Variants in DDX10 observed in about 807,000 individuals in gnomAD.
DDX10 encodes DEAD-box helicase 10, also known as probable ATP-dependent RNA helicase DDX10.
DDX10 carries 74 observed loss-of-function variants against 104.3 expected under a neutral mutation model. The ratio of observed to expected loss-of-function variants is 0.71; its 90% confidence interval spans 0.59 to 0.86. DDX10 has a LOEUF of 0.86. Ranked by LOEUF, DDX10 falls within the 40% of genes least tolerant of loss-of-function variation. The probability of loss-of-function intolerance (pLI) is 0.00; values close to 1 mark genes in which losing one functional copy is unlikely to be tolerated. For synonymous variants in DDX10, 351 were observed against 353.4 expected (o/e 0.99, Z 0.08); for missense variants, 952 against 1,040.0 (o/e 0.92, Z 1.16).
At position 108,779,599 on chromosome 11, in the gene DDX10, C is replaced by T. The variant is rs543427624; in HGVS notation, c.1965+56137C>T. ...ACCTAATGTAAATGCAGCACACCAA[C>T]GTGGCACATGTATACATATGTAACA... On this transcript the variant is annotated intron_variant, in intron 13 of 17. Transcript: ENST00000322536. Among the ~76,000 whole-genome samples, 24 of 152,018 alleles carry T rather than the reference C, an allele frequency of 1.6e-4. 1 individual carries two copies. In the South Asian group the frequency reaches 3.1e-3, roughly 20 times the overall value.
At chr11:108,698,784 G>T (rs2094263388) in intron 9 of DDX10, among the ~76,000 whole-genome samples, 1 of 152,106 alleles carries the variant, frequency 6.6e-6, no homozygotes, top group Non-Finnish European at 1.5e-5. Context: ...TGACCCCCTG[G>T]GCCTAAACTA....
intron 16 of DDX10, among the ~76,000 whole-genome samples, chr11:108,892,211 G>C (rs1429012307): frequency 1.3e-5 from 2 of 152,092 alleles, no homozygotes; most frequent in African/African-American, 4.8e-5. Context: ...TGGTGGTAAC[G>C]AGTGAATTCT....
chr11:108,798,299 CAT>C (rs1265793013), intron 13 of DDX10, among the ~76,000 whole-genome samples: 1 of 152,158 alleles, frequency 6.6e-6, no homozygotes, highest in Admixed American at 6.5e-5. Context: ...TTGTAAAACA[CAT>C]GTAATATAAA....
intron 16 of DDX10, among the ~76,000 whole-genome samples, chr11:108,905,070 C>T (rs1863572147): frequency 6.6e-6 from 1 of 152,086 alleles, no homozygotes; most frequent in South Asian, 2.1e-4. Context: ...TGCCCGTGGA[C>T]TCTTTGAAAG....
At chr11:108,777,491 T>A (rs1435999728) in intron 13 of DDX10, among the ~76,000 whole-genome samples, 1 of 151,816 alleles carries the variant, frequency 6.6e-6, no homozygotes, top group Non-Finnish European at 1.5e-5. Flanking sequence ...TCTGGATAAG[T>A]TTTGTGTTTT....
intron 1 of DDX10, among the ~76,000 whole-genome samples, chr11:108,669,979 A>G (rs544449053): frequency 1.3e-5 from 2 of 152,330 alleles, no homozygotes; most frequent in South Asian, 2.1e-4. Context: ...AGCGAAACCT[A>G]TTGTGGACTT....
At chr11:108,859,327 T>C (rs1201564228) in intron 16 of DDX10, among the ~76,000 whole-genome samples, 1 of 152,242 alleles carries the variant, frequency 6.6e-6, no homozygotes, top group African/African-American at 2.4e-5. Flanking sequence ...ATTCTAATAC[T>C]TCTTAGAGAA....
At chr11:108,856,879 T>C (rs966865417) in intron 16 of DDX10, among the ~76,000 whole-genome samples, 1 of 128,898 alleles carries the variant, frequency 7.8e-6, no homozygotes, top group Non-Finnish European at 1.6e-5. Flanking sequence ...CGTGAGAATA[T>C]TATTTGGGCA....
At chr11:108,875,026 G>C (rs977905989) in intron 16 of DDX10, among the ~76,000 whole-genome samples, 1 of 152,048 alleles carries the variant, frequency 6.6e-6, no homozygotes, top group African/African-American at 2.4e-5. Flanking sequence ...ATGAAGTAAC[G>C]CATGTAAAGG....
intron 16 of DDX10, among the ~76,000 whole-genome samples, chr11:108,905,725 A>G (rs1863587540): frequency 6.6e-6 from 1 of 152,126 alleles, no homozygotes; most frequent in Non-Finnish European, 1.5e-5. Flanking sequence ...CATCCACTGT[A>G]TTAGGCTGTT....
chr11:108,745,015 C>G (rs887536182), intron 13 of DDX10, among the ~76,000 whole-genome samples: 2 of 148,866 alleles, frequency 1.3e-5, no homozygotes, highest in African/African-American at 5.0e-5. Context: ...GCTAATGAAA[C>G]AAGTGAAGGA....
intron 17 of DDX10, among the ~76,000 whole-genome samples, chr11:108,932,863 A>G (rs746201085): frequency 6.6e-6 from 1 of 151,924 alleles, no homozygotes; most frequent in Non-Finnish European, 1.5e-5. Flanking sequence ...CTCTTTGTTG[A>G]AATATTGTAT....
chr11:108,841,369 G>T lies in DDX10; in HGVS notation c.2140G>T (p.Asp714Tyr). 6.2e-7 allele frequency: 1 copy of T among 1,613,750 alleles called. No homozygotes were observed. The highest frequency in any genetic ancestry group is 8.5e-7 in the Non-Finnish European group (1 of 1,179,868). The stretch of plus-strand genomic sequence containing the variant: ...ATCTGCCATCAAGGATGCTGAGGAA[G>T]ATGATGACACAGGTGGTATCAACTT... ...QKSAIKDAEEDDDTGGINLHK... is the reference protein window; with the variant it reads ...QKSAIKDAEEYDDTGGINLHK... Residue 714 changes from aspartate to tyrosine, a missense_variant, in exon 15 of 18, where the codon GAT (aspartate) becomes TAT (tyrosine). Transcript: ENST00000322536.
At chr11:108,849,019 A>G (rs1862757259) in intron 15 of DDX10, among the ~76,000 whole-genome samples, 1 of 152,074 alleles carries the variant, frequency 6.6e-6, no homozygotes, top group Non-Finnish European at 1.5e-5. Context: ...TATCCTTGTT[A>G]TAGTTGTTAC....
intron 13 of DDX10, among the ~76,000 whole-genome samples, chr11:108,789,282 T>A (rs1342234023): frequency 6.6e-6 from 1 of 152,218 alleles, no homozygotes; most frequent in Non-Finnish European, 1.5e-5. Flanking sequence ...AAGTATAGAA[T>A]TGATGAGCGG....
rs547140234 is a variant in DDX10, at chr11:108,704,554, T to C, written c.1224-2185T>C. On this transcript the variant is annotated intron_variant, in intron 9 of 17. Coordinates refer to ENST00000322536, the MANE Select transcript of DDX10 (RefSeq NM_004398.4). The stretch of plus-strand genomic sequence containing the variant: ...AGAGCTTCAGAAGTTACGACATCTC[T>C]CCATTATCTTGTCTGCTCAGTGTGT... Among the ~76,000 whole-genome samples the C allele has an allele frequency of 2.6e-5, 4 of 152,286 alleles. No homozygotes were observed. The East Asian group carries it at 5.8e-4, about 22-fold the overall frequency.
chr11:108,676,587 C>T (rs1165644374), intron 3 of DDX10, among the ~76,000 whole-genome samples: 1 of 152,114 alleles, frequency 6.6e-6, no homozygotes, highest in Non-Finnish European at 1.5e-5. Context: ...GCTGAGATTA[C>T]AGATGTGGGC....
intron 1 of DDX10, among the ~76,000 whole-genome samples, chr11:108,671,712 C>T (rs779573902): frequency 1.4e-4 from 21 of 152,096 alleles, no homozygotes; most frequent in African/African-American, 3.9e-4. Context: ...GGATTTGGCC[C>T]GTAGGCTGTA....
chr11:108,852,034 T>C (rs561940887), intron 15 of DDX10, 119 bp from the exon 16 acceptor site: 18 of 752,792 alleles, frequency 2.4e-5, no homozygotes, highest in African/African-American at 3.6e-5. Context: ...CAGTAAATAT[T>C]TGTTGAAAAA....
Sources: gnomAD v4.1 joint callset for allele counts (sites outside exome capture counted in the v4.1 genomes callset) on GRCh38, gnomAD v4.1.1 for gene constraint, MANE v1.5 for transcripts, NCBI Gene and HGNC (gene_info 2026-07-23, HGNC 2026-07-21) for gene names.